The following FGF10 variants were observed in gnomAD, a reference collection of about 807,000 sequenced individuals.
FGF10 encodes the protein FGF-10.
FGF10 carries 2 observed loss-of-function variants against 19.8 expected under a neutral mutation model. The ratio of observed to expected loss-of-function variants is 0.10; its 90% confidence interval spans 0.04 to 0.32. The LOEUF is 0.32. Ranked by LOEUF, FGF10 falls within the 10% of genes least tolerant of loss-of-function variation. FGF10 has a pLI of 1.00. For synonymous variants in FGF10, 112 were observed against 94.0 expected, an observed-to-expected ratio of 1.19 and a Z score of -1.10; for missense variants, 191 against 246.3, an observed-to-expected ratio of 0.78 and a Z score of 1.50.
At chr5:44,346,417 T>C (rs1272105716) in intron 1 of FGF10, among the ~76,000 whole-genome samples, 1 of 151,900 alleles carries the variant, frequency 6.6e-6, no homozygotes, top group Non-Finnish European at 1.5e-5. Flanking sequence ...AATTAACATG[T>C]CAATTAATTT....
At chr5:44,369,881 A>G (rs1009018047) in intron 1 of FGF10, among the ~76,000 whole-genome samples, 2 of 152,024 alleles carry the variant, frequency 1.3e-5, no homozygotes, top group Admixed American at 6.6e-5. Context: ...ATTCTGCCAA[A>G]TTTTTCAGAT....
chr5:44,389,119 A>AAT lies in FGF10; in HGVS notation c.-438_-437insAT. ...GGGAGGTGGGGTGGGGAATAGGGGGAGATATCTGCACCCCTCTGCGGTTGG... is the reference window on the plus strand; with the variant it reads ...GGGAGGTGGGGTGGGGAATAGGGGGAATGATATCTGCACCCCTCTGCGGTTGG... On this transcript the variant is annotated 5_prime_UTR_variant, in exon 1 of 3. Transcript: ENST00000264664. 3.4e-6 allele frequency: 1 copy of AAT among 295,638 alleles called. No homozygotes were observed. The highest frequency in any genetic ancestry group is 3.5e-5 in the South Asian group (1 of 28,334). The allele number at this position is 295,638 out of a possible 1,614,324, so 18.3% of individuals were successfully genotyped here. A position where few individuals can be genotyped will look rare whatever the true frequency, so the allele number is the denominator to read the frequency against.
chr5:44,381,148 C>T (rs1741974227), intron 1 of FGF10, among the ~76,000 whole-genome samples: 2 of 152,086 alleles, frequency 1.3e-5, no homozygotes, highest in African/African-American at 2.4e-5. Context: ...ATGGGATAAT[C>T]AGCACTCTGA....
chr5:44,309,958 A>T (rs778992623), intron 2 of FGF10, among the ~76,000 whole-genome samples: 4 of 152,150 alleles, frequency 2.6e-5, no homozygotes, highest in Non-Finnish European at 4.4e-5. Flanking sequence ...AGTTGATTGA[A>T]CAACAAGCAA....
chr5:44,387,334 AAG>A (rs775008382), intron 1 of FGF10, among the ~76,000 whole-genome samples: 12 of 152,114 alleles, frequency 7.9e-5, no homozygotes, highest in African/African-American at 2.9e-4. Context: ...AAAGAAGGGA[AAG>A]AGAGAAAGAA....
chr5:44,328,756 T>A (rs1173265986), intron 1 of FGF10, among the ~76,000 whole-genome samples: 1 of 152,028 alleles, frequency 6.6e-6, no homozygotes, highest in East Asian at 1.9e-4. Flanking sequence ...TGCAGCAACG[T>A]GGATGGAACA....
chr5:44,374,890 T>C (rs1000040334), intron 1 of FGF10, among the ~76,000 whole-genome samples: 2 of 151,578 alleles, frequency 1.3e-5, no homozygotes, highest in African/African-American at 4.8e-5. Context: ...TACACATTTT[T>C]TTAATTCAGA....
intron 1 of FGF10, among the ~76,000 whole-genome samples, chr5:44,333,533 T>C (rs1740784584): frequency 6.6e-6 from 1 of 152,192 alleles, no homozygotes; most frequent in African/African-American, 2.4e-5. Flanking sequence ...CTTGACCCTA[T>C]GCTAAGCAAA....
At chr5:44,323,766 A>G (rs183518846) in intron 1 of FGF10, among the ~76,000 whole-genome samples, 1 of 152,288 alleles carries the variant, frequency 6.6e-6, no homozygotes, top group Admixed American at 6.5e-5. Context: ...TTATCCCATT[A>G]TCCTGTTTTA....
At chr5:44,357,120 A>T (rs550299896) in intron 1 of FGF10, among the ~76,000 whole-genome samples, 197 of 17,972 alleles carry the variant, frequency 0.011, no homozygotes, top group African/African-American at 0.032. Context: ...GATTTTCATA[A>T]AAAAAAAACA....
chr5:44,322,553 A>C (rs1271944554), intron 1 of FGF10, among the ~76,000 whole-genome samples: 1 of 152,212 alleles, frequency 6.6e-6, no homozygotes, highest in African/African-American at 2.4e-5. Flanking sequence ...TCCATGTTAG[A>C]AAAGGATCAA....
intron 1 of FGF10, among the ~76,000 whole-genome samples, chr5:44,321,310 G>A (rs551926206): frequency 1.3e-5 from 2 of 152,264 alleles, no homozygotes; most frequent in African/African-American, 2.4e-5. Flanking sequence ...GAGTCACCAT[G>A]GTATGTAGTC....
At chr5:44,383,442 T>C (rs1305328948) in intron 1 of FGF10, among the ~76,000 whole-genome samples, 1 of 152,060 alleles carries the variant, frequency 6.6e-6, no homozygotes, top group Non-Finnish European at 1.5e-5. Flanking sequence ...TGAAAACAAC[T>C]GCTTTTAAAG....
chr5:44,332,449 G>GT (rs1186225150), intron 1 of FGF10, among the ~76,000 whole-genome samples: 3 of 152,082 alleles, frequency 2.0e-5, no homozygotes, highest in South Asian at 2.1e-4. Context: ...TGACTTTGTT[G>GT]TTTTTTCCTT....
chr5:44,343,994 C>A (rs1023862644), intron 1 of FGF10, among the ~76,000 whole-genome samples: 1 of 151,920 alleles, frequency 6.6e-6, no homozygotes, highest in Non-Finnish European at 1.5e-5. Flanking sequence ...GATGGTTTAA[C>A]AACCCAGGAA....
chr5:44,374,253 C>T (rs924893882), intron 1 of FGF10, among the ~76,000 whole-genome samples: 1 of 152,116 alleles, frequency 6.6e-6, no homozygotes, highest in African/African-American at 2.4e-5. Context: ...TATGTCTAAT[C>T]TCCTTGTGTC....
intron 1 of FGF10, among the ~76,000 whole-genome samples, chr5:44,376,622 G>T (rs929152952): frequency 1.4e-5 from 2 of 147,556 alleles, no homozygotes; most frequent in African/African-American, 5.0e-5. Flanking sequence ...TACATATTAA[G>T]AACTTTTGAA....
intron 1 of FGF10, among the ~76,000 whole-genome samples, chr5:44,381,270 T>C (rs1741976387): frequency 6.6e-6 from 1 of 152,094 alleles, no homozygotes; most frequent in Admixed American, 6.5e-5. Flanking sequence ...GAGAAGACGG[T>C]CCTGATGGAG....
Position 44,305,059 on chromosome 5 carries a change from C to G in FGF10, c.563G>C (p.Arg188Thr). ...GTTTTTCCTTCGTGTTTTCTGTCCTCTCCTTGGAGCTCCTTTTCCATTCAA... is the reference window on the plus strand; with the variant it reads ...GTTTTTCCTTCGTGTTTTCTGTCCTGTCCTTGGAGCTCCTTTTCCATTCAA... ...VALNGKGAPRRGQKTRRKNTS... is the reference protein window; with the variant it reads ...VALNGKGAPRTGQKTRRKNTS... Residue 188 changes from arginine (R) to threonine (T), a missense_variant, in exon 3 of 3, where the codon AGA becomes ACA. This residue lies in a region of FGF10 where 99 missense variants were observed against 161.7 expected (regional missense o/e 0.61). Coordinates refer to ENST00000264664, the MANE Select transcript of FGF10 (RefSeq NM_004465.2). 1 of 1,613,994 alleles carries G rather than the reference C, an allele frequency of 6.2e-7. No individual in the cohort carries two copies. Among genetic ancestry groups the G allele is most frequent in the Non-Finnish European group, 8.5e-7 (1 of 1,179,922 alleles).
Sources: gnomAD v4.1 joint callset for allele counts (sites outside exome capture counted in the v4.1 genomes callset) on GRCh38, gnomAD v4.1.1 for gene constraint, gnomAD v4.1.1 regional missense constraint, MANE v1.5 for transcripts, NCBI Gene and HGNC (gene_info 2026-07-23, HGNC 2026-07-21) for gene names.